WDFY4: variants seen among roughly 807,000 people sequenced by gnomAD.
The protein encoded by WDFY4 is WDFY family member 4.
WDFY4 carries 169 observed loss-of-function variants against 351.9 expected under a neutral mutation model. The observed-to-expected ratio is 0.48, with a 90% CI of 0.42 to 0.55. The LOEUF is 0.55. Among genes scored for constraint, WDFY4 ranks in the 20% least tolerant of loss-of-function variants. The pLI is 0.00. For missense variants in WDFY4, 3,803 were observed against 3,935.6 expected (o/e 0.97, Z 0.90); for synonymous variants, 1,622 against 1,574.6 (o/e 1.03, Z -0.71).
intron 35 of WDFY4, chr10:48,823,755 C>A: frequency 2.0e-6 from 2 of 992,160 alleles, no homozygotes; most frequent in Non-Finnish European, 2.4e-6. Context: ...ACCGTGCTTT[C>A]AGGGGGACCA....
At chr10:48,731,638 C>T in intron 9 of WDFY4, 76 bp downstream of exon 9, 1 of 1,441,652 alleles carries the variant, frequency 6.9e-7, no homozygotes, top group Non-Finnish European at 9.2e-7. Flanking sequence ...AATCTGGCTG[C>T]CCATCAAATG....
chr10:48,800,737 T>C (rs1380732090), intron 24 of WDFY4, among the ~76,000 whole-genome samples: 3 of 145,974 alleles, frequency 2.1e-5, no homozygotes, highest in East Asian at 2.0e-4. Flanking sequence ...TTTCTTTTTT[T>C]TTTTTTTTGT....
Position 48,981,487 on chromosome 10 carries a change from G to A in WDFY4, c.9488+9G>A, listed in dbSNP as rs934904691. 34 of 1,551,324 alleles carry A rather than the reference G, an allele frequency of 2.2e-5. No homozygotes were observed. The highest frequency in any genetic ancestry group is 9.8e-5 in the Admixed American group (5 of 50,994). On this transcript the variant is annotated intron_variant, in intron 61 of 61. Transcript: ENST00000325239. ...GCTCTGGCCGTGTCCAGGTAAGCGC[G>A]GCCTTGTTTCTCTGGGTCTCCAGCA...
At chr10:48,902,508 A>G (rs1273396191) in intron 47 of WDFY4, among the ~76,000 whole-genome samples, 1 of 152,062 alleles carries the variant, frequency 6.6e-6, no homozygotes, top group Non-Finnish European at 1.5e-5. Flanking sequence ...CCCAGGAATG[A>G]CATTCAAGAT....
chr10:48,862,453 A>G (rs1489058768), intron 39 of WDFY4, among the ~76,000 whole-genome samples: 1 of 152,160 alleles, frequency 6.6e-6, no homozygotes, highest in Non-Finnish European at 1.5e-5. Context: ...CCTATTGTGA[A>G]CTGCACATGC....
In WDFY4 at chr10:48,804,330, G is replaced by T. The variant is rs79567161; in HGVS notation, c.4485-930G>T. 5.8e-3 allele frequency among the ~76,000 whole-genome samples: 884 copies of T among 152,202 alleles called. 12 individuals are homozygous for T. Among genetic ancestry groups the T allele is most frequent in the African/African-American group, 0.02 (832 of 41,534 alleles). On this transcript the variant is annotated intron_variant, in intron 25 of 61. Coordinates refer to ENST00000325239, the MANE Select transcript of WDFY4 (RefSeq NM_001394531.1). ...TACATTTCGCACCCTGTACTTAGAG[G>T]TAAAATTCAGAGAAGAATAAGCCAC...
chr10:48,753,424 A>G (rs897237396), intron 12 of WDFY4, among the ~76,000 whole-genome samples: 7 of 152,206 alleles, frequency 4.6e-5, no homozygotes, highest in African/African-American at 7.2e-5. Context: ...TTGGCATTAT[A>G]TGTAAAAATC....
Position 48,787,891 on chromosome 10 carries a change from CTCCTTCTTCTTCTTCTTCTT to C in WDFY4, c.3809-638_3809-619del, listed in dbSNP as rs1565198375. Among the ~76,000 whole-genome samples, 112 of 66,760 alleles carry C rather than the reference CTCCTTCTTCTTCTTCTTCTT, an allele frequency of 1.7e-3. 4 individuals carry two copies. Among genetic ancestry groups the C allele is most frequent in the African/African-American group, 0.011 (109 of 10,020 alleles). The allele number at this position is 66,760 out of a possible 152,430, so 43.8% of individuals were successfully genotyped here. Reference sequence around the variant, plus strand: ...TCTTTCTTCTTTCTTTCTTCTTCTTCTCCTTCTTCTTCTTCTTCTTCTTCTTCTTCTTCTTCTTCTTCTTC... The same window carrying C: ...TCTTTCTTCTTTCTTTCTTCTTCTTCCTTCTTCTTCTTCTTCTTCTTCTTC... On this transcript the variant is annotated intron_variant, in intron 20 of 61. Transcript: ENST00000325239.
At chr10:48,807,228 G>C (rs1031662411) in intron 27 of WDFY4, among the ~76,000 whole-genome samples, 6 of 152,194 alleles carry the variant, frequency 3.9e-5, no homozygotes, top group Non-Finnish European at 7.3e-5. Flanking sequence ...AATGGGTAAT[G>C]GGCCAAGAGT....
intron 2 of WDFY4, among the ~76,000 whole-genome samples, chr10:48,715,025 T>C (rs998201765): frequency 8.5e-5 from 13 of 152,256 alleles, no homozygotes; most frequent in African/African-American, 3.1e-4. Context: ...TCACTTGGCA[T>C]ACTCACTCCT....
At chr10:48,745,644 G>A in intron 12 of WDFY4, 1 of 565,138 alleles carries the variant, frequency 1.8e-6, no homozygotes, top group Admixed American at 2.3e-5. Flanking sequence ...TCTGGTAGTG[G>A]GTCTCGGCCT....
chr10:48,957,079 A>G, intron 51 of WDFY4, 50 bp from the exon 52 acceptor site: 3 of 1,531,660 alleles, frequency 2.0e-6, no homozygotes, highest in Non-Finnish European at 2.6e-6. Flanking sequence ...CCTGGCCAGC[A>G]GGAGGGTGCC....
At chr10:48,924,063 C>T (rs2133612394) in intron 47 of WDFY4, among the ~76,000 whole-genome samples, 3 of 152,312 alleles carry the variant, frequency 2.0e-5, no homozygotes, top group Middle Eastern at 6.8e-3. Flanking sequence ...TCCAAAGGGC[C>T]CTTTGGCTCC....
intron 24 of WDFY4, among the ~76,000 whole-genome samples, chr10:48,800,670 G>GTTTCTTTC (rs59039598): frequency 0.085 from 9,840 of 115,208 alleles, 591 homozygotes; most frequent in Non-Finnish European, 0.1. Flanking sequence ...TTAGGTTTTG[G>GTTTCTTTC]TTTCTTTCTT....
chr10:48,766,423 A>G (rs1029712918), intron 13 of WDFY4, among the ~76,000 whole-genome samples: 11 of 152,170 alleles, frequency 7.2e-5, no homozygotes, highest in African/African-American at 2.7e-4. Flanking sequence ...CTCCATCTGT[A>G]CAAAAAATTT....
intron 11 of WDFY4, among the ~76,000 whole-genome samples, chr10:48,738,681 T>C (rs1431314881): frequency 6.6e-6 from 1 of 152,262 alleles, no homozygotes; most frequent in Non-Finnish European, 1.5e-5. Flanking sequence ...TAAGTCATCA[T>C]GGGAACCCCC....
At chr10:48,744,760 T>C (rs1443731478) in intron 12 of WDFY4, among the ~76,000 whole-genome samples, 1 of 152,172 alleles carries the variant, frequency 6.6e-6, no homozygotes, top group Non-Finnish European at 1.5e-5. Flanking sequence ...TGCACTTCTG[T>C]TTGTTCTTGA....
At chr10:48,941,900 G>T (rs1279822943) in intron 48 of WDFY4, 52 bp downstream of exon 48, 3 of 1,526,576 alleles carry the variant, frequency 2.0e-6, no homozygotes, top group Non-Finnish European at 2.7e-6. Context: ...ACCAGAGAAT[G>T]GCTCAGGCCC....
intron 47 of WDFY4, among the ~76,000 whole-genome samples, chr10:48,925,542 G>C (rs1430513974): frequency 6.6e-6 from 1 of 152,166 alleles, no homozygotes; most frequent in African/African-American, 2.4e-5. Flanking sequence ...TTCCTTGGGG[G>C]TATAAACATA....
Sources: gnomAD v4.1 joint callset for allele counts (sites outside exome capture counted in the v4.1 genomes callset) on GRCh38, gnomAD v4.1.1 for gene constraint, MANE v1.5 for transcripts, NCBI Gene and HGNC (gene_info 2026-07-23, HGNC 2026-07-21) for gene names.